The following PRPF18 variants were observed in gnomAD, a reference collection of about 807,000 sequenced individuals.
PRPF18 encodes pre-mRNA processing factor 18.
PRPF18 carries 38 observed loss-of-function variants against 46.5 expected under a neutral mutation model. The observed-to-expected ratio is 0.82, with a 90% CI of 0.63 to 1.07. The LOEUF is 1.07. PRPF18 is among the 50% of genes least tolerant of loss of function. PRPF18 has a pLI of 0.00. For synonymous variants in PRPF18, 152 were observed against 146.7 expected (o/e 1.04, Z -0.26); for missense variants, 263 against 410.0 (o/e 0.64, Z 3.10).
chr10:13,609,299 G>A (rs1299307781), intron 4 of PRPF18, among the ~76,000 whole-genome samples: 1 of 152,188 alleles, frequency 6.6e-6, no homozygotes, highest in African/African-American at 2.4e-5. Context: ...GTAGTAGATG[G>A]TGCCATTACT....
chr10:13,601,390 C>A (rs1332882892), intron 3 of PRPF18, among the ~76,000 whole-genome samples: 1 of 152,092 alleles, frequency 6.6e-6, no homozygotes, highest in East Asian at 1.9e-4. Flanking sequence ...TAAAAGAAAT[C>A]ATAAAATTTA....
chr10:13,595,556 G>T (rs1374287186), intron 1 of PRPF18, among the ~76,000 whole-genome samples: 1 of 152,156 alleles, frequency 6.6e-6, no homozygotes, highest in African/African-American at 2.4e-5. Context: ...CAGAACAAAG[G>T]GTTTAAGGAC....
chr10:13,630,208 A>G, intron 9 of PRPF18, 52 bp from the exon 10 acceptor site: 16 of 1,402,958 alleles, frequency 1.1e-5, no homozygotes, highest in Non-Finnish European at 1.6e-5. Flanking sequence ...GAAGGCAGTT[A>G]AGAATAATTT....
At chr10:13,608,103 A>C (rs752916923) in intron 4 of PRPF18, among the ~76,000 whole-genome samples, 46 of 152,254 alleles carry the variant, frequency 3.0e-4, no homozygotes, top group Non-Finnish European at 6.0e-4. Context: ...ATTTATCATT[A>C]CCAAATCTGT....
intron 9 of PRPF18, among the ~76,000 whole-genome samples, chr10:13,624,177 C>T (rs1228415446): frequency 6.6e-6 from 1 of 152,164 alleles, no homozygotes; most frequent in East Asian, 1.9e-4. Flanking sequence ...CATGGTATGC[C>T]ATGTTGGCCA....
the PRPF18 span, chr10:13,646,805 A>C: frequency 6.5e-6 from 1 of 154,778 alleles, no homozygotes; most frequent in Non-Finnish European, 1.4e-5. Context: ...GGGAATGCGG[A>C]GACAGGAGAA....
At chr10:13,618,290 A>G (rs1417473127) in intron 9 of PRPF18, among the ~76,000 whole-genome samples, 1 of 152,158 alleles carries the variant, frequency 6.6e-6, no homozygotes, top group East Asian at 1.9e-4. Flanking sequence ...AATTGGACCC[A>G]TATACCCTTT....
intron 6 of PRPF18, among the ~76,000 whole-genome samples, chr10:13,612,941 C>G (rs749994166): frequency 2.0e-5 from 3 of 152,108 alleles, no homozygotes; most frequent in Non-Finnish European, 4.4e-5. Context: ...ATTGTTTATT[C>G]ACAAACTGTG....
intron 9 of PRPF18, among the ~76,000 whole-genome samples, chr10:13,619,291 A>G (rs1330834068): frequency 6.6e-6 from 1 of 152,266 alleles, no homozygotes; most frequent in African/African-American, 2.4e-5. Context: ...GTTTTATACA[A>G]TTGGACAGAT....
chr10:13,637,858 G>A, the PRPF18 span: 2 of 152,182 alleles, frequency 1.3e-5, no homozygotes, highest in Admixed American at 1.3e-4. Context: ...GTTAACTGTT[G>A]TATTGGATTA....
chr10:13,625,901 A>G (rs1272532681), intron 9 of PRPF18, among the ~76,000 whole-genome samples: 3 of 152,270 alleles, frequency 2.0e-5, no homozygotes, highest in African/African-American at 4.8e-5. Flanking sequence ...GGCTAATGAC[A>G]TCTCCCATGC....
chr10:13,606,662 G>C (rs542544160), intron 4 of PRPF18, among the ~76,000 whole-genome samples: 1 of 150,586 alleles, frequency 6.6e-6, no homozygotes, highest in South Asian at 2.1e-4. Context: ...TTGAATCCGG[G>C]AGGTGGAGGT....
the PRPF18 span, chr10:13,637,902 T>G: frequency 1.3e-5 from 2 of 152,216 alleles, no homozygotes; most frequent in Non-Finnish European, 2.9e-5. Context: ...TTGTTTTGCT[T>G]CTTTTGATGT....
chr10:13,648,332 C>T, the PRPF18 span: 4 of 152,198 alleles, frequency 2.6e-5, 1 homozygote, highest in Admixed American at 2.6e-4. Flanking sequence ...TTTGTCTCCA[C>T]CCTAAGCTGA....
chr10:13,589,507 C>G (rs1296696501), intron 1 of PRPF18, among the ~76,000 whole-genome samples: 1 of 152,212 alleles, frequency 6.6e-6, no homozygotes. Flanking sequence ...AACTGGCTCC[C>G]TCTGGCTGCA....
chr10:13,620,288 G>A (rs1415304633), intron 9 of PRPF18, among the ~76,000 whole-genome samples: 12 of 152,214 alleles, frequency 7.9e-5, no homozygotes, highest in Non-Finnish European at 1.8e-4. Flanking sequence ...AAAGAGGCAA[G>A]TGGGCTGAGA....
At chr10:13,592,069 CCTT>C (rs2079970897) in intron 1 of PRPF18, 1 of 579,572 alleles carries the variant, frequency 1.7e-6, no homozygotes, top group Middle Eastern at 3.6e-4. Flanking sequence ...GTTGCAAGAA[CCTT>C]CTTTTTCTTT....
chr10:13,652,161 C>CTAGT, the PRPF18 span: 2 of 607,740 alleles, frequency 3.3e-6, no homozygotes, highest in Non-Finnish European at 5.9e-6. Flanking sequence ...GTCAAAATAC[C>CTAGT]TAGTTTGTTA....
At chr10:13,654,036 C>T in the PRPF18 span, 1 of 402,800 alleles carries the variant, frequency 2.5e-6, no homozygotes, top group Non-Finnish European at 4.4e-6. Context: ...TATTTGCTGT[C>T]TTCATCAGCT....
Sources: allele counts gnomAD v4.1 joint callset (sites outside exome capture counted in the v4.1 genomes callset), GRCh38; gene constraint gnomAD v4.1.1; transcripts MANE v1.5; gene names NCBI Gene and HGNC (gene_info 2026-07-23, HGNC 2026-07-21).